Variants in TMOD1 observed in about 807,000 individuals in gnomAD.
The protein encoded by TMOD1 is tropomodulin-1.
Under a neutral mutation model 40.6 loss-of-function variants are expected in TMOD1, and 17 were observed. The observed-to-expected ratio is 0.42, with a 90% CI of 0.29 to 0.63. The LOEUF (loss-of-function observed/expected upper bound fraction) is 0.63, where lower values mean the gene tolerates loss of function less well. Ranked by LOEUF, TMOD1 falls within the 20% of genes least tolerant of loss-of-function variation. The pLI is 0.22. For missense variants in TMOD1, 391 were observed against 447.6 expected (o/e 0.87, Z 1.14); for synonymous variants, 181 against 175.0 (o/e 1.03, Z -0.27).
In TMOD1 at chr9:97,555,473, T is replaced by C. The variant is rs1189624206; in HGVS notation, c.397+2073T>C. ...GCTGCAACTCTGTGCTACGTTTCTGTGTGGCTTTCTTGAAACTACTTCTCT... is the reference window on the plus strand; with the variant it reads ...GCTGCAACTCTGTGCTACGTTTCTGCGTGGCTTTCTTGAAACTACTTCTCT... On this transcript the variant is annotated intron_variant, in intron 4 of 9. Coordinates refer to ENST00000259365, the MANE Select transcript of TMOD1 (RefSeq NM_003275.4). 1.5e-5 allele frequency: 21 copies of C among 1,433,914 alleles called. No individual in the cohort carries two copies. In the East Asian group the frequency reaches 2.3e-4, roughly 16 times the overall value. 88.8% of individuals were successfully genotyped at this position (1,433,914 alleles called of 1,614,324 possible). A position where few individuals can be genotyped will look rare whatever the true frequency, so the allele number is the denominator to read the frequency against.
intron 8 of TMOD1, among the ~76,000 whole-genome samples, chr9:97,581,679 T>A (rs1825759033): frequency 6.6e-6 from 1 of 151,400 alleles, no homozygotes; most frequent in Non-Finnish European, 1.5e-5. Context: ...TTTTTAATGA[T>A]CGCCAGTCTA....
At position 97,600,540 on chromosome 9, in the gene TMOD1, G is replaced by A. The variant is rs1427303863; in HGVS notation, c.*842G>A. Reference sequence around the variant, plus strand: ...AAACACCTTTCTATATTGCACAGTGGGCAAATGGCTTATGTGAGGTAAGAC... The same window carrying A: ...AAACACCTTTCTATATTGCACAGTGAGCAAATGGCTTATGTGAGGTAAGAC... On this transcript the variant is annotated 3_prime_UTR_variant, in exon 10 of 10. Transcript: ENST00000259365. 1.0e-6 allele frequency: 1 copy of A among 985,630 alleles called. No individual in the cohort carries two copies. The highest frequency in any genetic ancestry group is 1.2e-6 in the Non-Finnish European group (1 of 830,214). 61.1% of individuals were successfully genotyped at this position (985,630 alleles called of 1,614,324 possible). A position where few individuals can be genotyped will look rare whatever the true frequency, so the allele number is the denominator to read the frequency against.
At chr9:97,586,426 T>C (rs1425081330) in intron 8 of TMOD1, among the ~76,000 whole-genome samples, 3 of 151,582 alleles carry the variant, frequency 2.0e-5, no homozygotes, top group African/African-American at 4.8e-5. Flanking sequence ...GACAGGGACA[T>C]TTAAGTCTGC....
chr9:97,535,732 T>A (rs1383311874), intron 2 of TMOD1, among the ~76,000 whole-genome samples: 1 of 152,238 alleles, frequency 6.6e-6, no homozygotes, highest in East Asian at 1.9e-4. Flanking sequence ...TGTGCTGCTA[T>A]GACAAATAGG....
chr9:97,525,573 A>T (rs1327572926), intron 2 of TMOD1, among the ~76,000 whole-genome samples: 1 of 152,260 alleles, frequency 6.6e-6, no homozygotes, highest in African/African-American at 2.4e-5. Context: ...TGAAAGGCCT[A>T]GGCCATTAGT....
At chr9:97,530,313 G>A (rs146411560) in intron 2 of TMOD1, among the ~76,000 whole-genome samples, 159 of 152,230 alleles carry the variant, frequency 1.0e-3, no homozygotes, top group African/African-American at 3.5e-3. Flanking sequence ...CAAAATATTC[G>A]CAGGAGAGAA....
chr9:97,532,957 G>T (rs1036047618), intron 2 of TMOD1, among the ~76,000 whole-genome samples: 2 of 152,234 alleles, frequency 1.3e-5, no homozygotes, highest in African/African-American at 4.8e-5. Flanking sequence ...AGAAAACAGG[G>T]AGTGGTGGGG....
chr9:97,536,726 G>C (rs73549048), intron 2 of TMOD1, among the ~76,000 whole-genome samples: 1 of 152,014 alleles, frequency 6.6e-6, no homozygotes, highest in Non-Finnish European at 1.5e-5. Context: ...TCCCTTCCCC[G>C]GCCCTTGGCT....
At chr9:97,597,655 G>A (rs895275719) in intron 9 of TMOD1, among the ~76,000 whole-genome samples, 1 of 121,552 alleles carries the variant, frequency 8.2e-6, no homozygotes, top group Admixed American at 1.1e-4. Flanking sequence ...CCAAGATCGG[G>A]CCACTGCACT....
intron 4 of TMOD1, among the ~76,000 whole-genome samples, chr9:97,554,934 GGGGGA>G (rs1830512614): frequency 6.6e-6 from 1 of 152,202 alleles, no homozygotes; most frequent in South Asian, 2.1e-4. Context: ...AGCCAGGTCT[GGGGGA>G]CCTGAGGAGT....
At chr9:97,512,053 C>T (rs1354053498) in intron 1 of TMOD1, among the ~76,000 whole-genome samples, 1 of 152,186 alleles carries the variant, frequency 6.6e-6, no homozygotes, top group African/African-American at 2.4e-5. Flanking sequence ...TGACCATGTT[C>T]CTCCTGGTCC....
chr9:97,512,337 A>G (rs1295457919), intron 1 of TMOD1, among the ~76,000 whole-genome samples: 2 of 152,242 alleles, frequency 1.3e-5, no homozygotes, highest in Non-Finnish European at 2.9e-5. Context: ...AAATTGTAAA[A>G]TTACTTTGGA....
chr9:97,549,677 C>T (rs1830418159), intron 3 of TMOD1, among the ~76,000 whole-genome samples: 1 of 152,114 alleles, frequency 6.6e-6, no homozygotes, highest in Non-Finnish European at 1.5e-5. Context: ...CACAATAAAG[C>T]TAATTGATTC....
intron 9 of TMOD1, 65 bp from the exon 10 acceptor site, chr9:97,599,569 G>C: frequency 8.1e-6 from 13 of 1,606,216 alleles, no homozygotes; most frequent in African/African-American, 1.3e-5. Context: ...TGCTTTCTCA[G>C]CAACAGTGCT....
chr9:97,527,613 G>A (rs892463944), intron 2 of TMOD1, among the ~76,000 whole-genome samples: 1 of 151,950 alleles, frequency 6.6e-6, no homozygotes, highest in South Asian at 2.1e-4. Context: ...GGTCAGATGC[G>A]ACTAGAAAGA....
At chr9:97,544,601 C>A (rs1830332030) in intron 2 of TMOD1, among the ~76,000 whole-genome samples, 1 of 152,032 alleles carries the variant, frequency 6.6e-6, no homozygotes, top group African/African-American at 2.4e-5. Flanking sequence ...CAAGCTGTAT[C>A]CCTCTATGTG....
intron 8 of TMOD1, among the ~76,000 whole-genome samples, chr9:97,576,629 CTTT>C (rs11326860): frequency 1.4e-5 from 2 of 144,638 alleles, no homozygotes; most frequent in East Asian, 4.0e-4. Context: ...ATGATGGTTA[CTTT>C]TTTTTTTTTT....
At chr9:97,592,437 A>G (rs1826021524) in intron 9 of TMOD1, among the ~76,000 whole-genome samples, 1 of 152,200 alleles carries the variant, frequency 6.6e-6, no homozygotes, top group Non-Finnish European at 1.5e-5. Context: ...TTGAAAAAAA[A>G]AAAAGAAAAG....
intron 9 of TMOD1, among the ~76,000 whole-genome samples, chr9:97,598,314 C>T (rs961176888): frequency 3.6e-5 from 4 of 111,582 alleles, no homozygotes; most frequent in Non-Finnish European, 5.0e-5. Flanking sequence ...TGTGACAGAG[C>T]GAAACTCCAT....
Sources: gnomAD v4.1 joint callset for allele counts (sites outside exome capture counted in the v4.1 genomes callset) on GRCh38, gnomAD v4.1.1 for gene constraint, MANE v1.5 for transcripts, NCBI Gene and HGNC (gene_info 2026-07-23, HGNC 2026-07-21) for gene names.